PLEKHG2: variants seen among roughly 807,000 people sequenced by gnomAD.
PLEKHG2 encodes the protein pleckstrin homology domain-containing family G member 2.
In PLEKHG2, 71 loss-of-function variants were observed where a neutral mutation model predicts 104.4. The ratio of observed to expected loss-of-function variants is 0.68; its 90% CI spans 0.56 to 0.83. The LOEUF (loss-of-function observed/expected upper bound fraction) is 0.83. Ranked by LOEUF, PLEKHG2 falls within the 40% of genes least tolerant of loss-of-function variation. The pLI, the probability that PLEKHG2 is intolerant of heterozygous loss-of-function variation, is 0.00. For synonymous variants in PLEKHG2, 728 were observed against 737.0 expected (o/e 0.99, Z 0.20); for missense variants, 1,730 against 1,809.4 (o/e 0.96, Z 0.80).
chr19:39,418,607 C>A, intron 9 of PLEKHG2, 127 bp from the exon 10 acceptor site: 1 of 680,278 alleles, frequency 1.5e-6, no homozygotes, highest in South Asian at 2.0e-5. Context: ...GGAAACCCAC[C>A]ATACAGCCTT....
rs747031640 is a variant in PLEKHG2 at position 39,422,132 on chromosome 19, G to A, written c.1521G>A (p.Gly507=). ...CCTCACAGCACGCTGGCAGCGAAGG[G>A]GAACTCTACCCTCCAGAATCTCAGC... ...KPGFKHAGSE[G]ELYPPESQPP... Residue 507 remains glycine (G), a synonymous_variant, in exon 17 of 19, where the codon GGG becomes GGA. Transcript: ENST00000425673. 1.1e-5 allele frequency: 17 copies of A among 1,609,762 alleles called. No individual in the cohort carries two copies. The Admixed American group carries it at 2.0e-4, about 19-fold the overall frequency.
In PLEKHG2 at chr19:39,418,096, C is replaced by G; in HGVS notation, c.1074C>G (p.Gly358=). Residue 358 remains glycine, a synonymous_variant, in exon 9 of 19, where the codon GGC becomes GGG. Coordinates refer to ENST00000425673, the MANE Select transcript of PLEKHG2 (RefSeq NM_022835.3). ...KRRGLEYTYK[G]HIFCCNLSVS... is the part of the protein sequence containing the mutation. ...GGGGGCTGGAGTACACCTACAAAGG[C>G]CACATCTTCGTGAGTTTGGGGATGG... 6.6e-7 allele frequency: 1 copy of G among 1,506,616 alleles called. No homozygotes were observed. Among genetic ancestry groups the G allele is most frequent in the Non-Finnish European group, 8.9e-7 (1 of 1,129,390 alleles). 93.3% of individuals were successfully genotyped at this position (1,506,616 alleles called of 1,614,324 possible). A position where few individuals can be genotyped will look rare whatever the true frequency, so the allele number is the denominator to read the frequency against.
rs771899874 is a variant in PLEKHG2 at position 39,424,242 on chromosome 19, C to T, written c.3109C>T (p.Pro1037Ser). Residue 1037 changes from proline (P) to serine (S), a missense_variant, in exon 19 of 19, where the codon CCT becomes TCT. Pro to Ser is a moderately conservative substitution (Grantham distance 74). Coordinates refer to ENST00000425673, the MANE Select transcript of PLEKHG2 (RefSeq NM_022835.3). Reference protein sequence around the residue: ...CSDFTVSVTTPVPKQEGHLDS... With the variant: ...CSDFTVSVTTSVPKQEGHLDS... ...TGATTTCACAGTTTCAGTCACCACC[C>T]CTGTGCCCAAGCAAGAAGGTCACCT... 1.2e-6 allele frequency: 2 copies of T among 1,614,166 alleles called. No individual in the cohort carries two copies. The highest frequency in any genetic ancestry group is 1.6e-4 in the Middle Eastern group (1 of 6,062).
chr19:39,415,032 G>A lies in PLEKHG2; in HGVS notation c.150G>A (p.Gly50=). 6.3e-7 allele frequency: 1 copy of A among 1,598,350 alleles called. No homozygotes were observed. The highest frequency in any genetic ancestry group is 1.1e-5 in the South Asian group (1 of 88,962). ...APTMASPRGS[G]SSTSLSTVGS... ...CCATGGCCTCCCCCCGAGGTTCTGG[G>A]AGCTCCACATCCCTGAGCACAGTGG... Residue 50 remains glycine (G), a synonymous_variant, in exon 3 of 19, where the codon GGG becomes GGA. Coordinates refer to ENST00000425673, the MANE Select transcript of PLEKHG2 (RefSeq NM_022835.3). The surrounding 1 kb of genome is among the most constrained non-coding windows in gnomAD (Gnocchi z 4.6).
chr19:39,418,069 C>T lies in PLEKHG2; in HGVS notation c.1047C>T (p.Arg349=). The change falls in exon 9 of 19, where the codon CGC becomes CGT. Residue 349 remains arginine, a synonymous_variant. Transcript: ENST00000425673. ...CTCGGATGCTGCTGGTGGCCAAGCG[C>T]AGGGGGCTGGAGTACACCTACAAAG... ...LFSRMLLVAK[R]RGLEYTYKGH... The T allele has an allele frequency of 6.5e-7, 1 of 1,540,966 alleles. No homozygotes were observed.
At position 39,425,127 on chromosome 19, in the gene PLEKHG2, C is replaced by T. The variant is rs560095135; in HGVS notation, c.3994C>T (p.Arg1332Trp). The T allele has an allele frequency of 1.5e-5, 24 of 1,585,472 alleles. 1 individual carries two copies. Among genetic ancestry groups the T allele is most frequent in the South Asian group, 1.4e-4 (12 of 87,306 alleles). The change falls in exon 19 of 19, where the codon CGG (arginine) becomes TGG (tryptophan). Residue 1332 changes from arginine (R) to tryptophan (W), a missense_variant. Physicochemically the swap from Arg to Trp is moderately radical, Grantham distance 101 (BLOSUM62 -3). Coordinates refer to ENST00000425673, the MANE Select transcript of PLEKHG2 (RefSeq NM_022835.3). Reference protein sequence around the residue: ...QPQPPPPPARRLSYATTVNIH... With the variant: ...QPQPPPPPARWLSYATTVNIH... Reference sequence around the variant, plus strand: ...CCAGCCACCACCTCCCCCAGCCAGGCGGCTCAGCTATGCCACGACGGTTAA... The same window carrying T: ...CCAGCCACCACCTCCCCCAGCCAGGTGGCTCAGCTATGCCACGACGGTTAA...
intron 8 of PLEKHG2, 66 bp downstream of exon 8, chr19:39,417,758 G>T: frequency 1.3e-6 from 2 of 1,545,640 alleles, no homozygotes; most frequent in South Asian, 1.2e-5. Context: ...GGGGCGGGTG[G>T]GGGGAAATCA....
rs2078776338 is a variant in PLEKHG2, at chr19:39,425,872, TC to T, written c.*580del. 6.5e-6 allele frequency: 1 copy of T among 154,514 alleles called. No individual in the cohort carries two copies. Among genetic ancestry groups the T allele is most frequent in the African/African-American group, 2.4e-5 (1 of 41,520 alleles). The allele number at this position is 154,514 out of a possible 1,614,324, so 9.6% of individuals were successfully genotyped here. On this transcript the variant is annotated 3_prime_UTR_variant, in exon 19 of 19. Coordinates refer to ENST00000425673, the MANE Select transcript of PLEKHG2 (RefSeq NM_022835.3). ...CCCGCTCCATCTACCCATCTTCCAA[TC>T]CATCATCTCACGTATCTGCCTTGCT...
chr19:39,417,755 G>A, intron 8 of PLEKHG2, 63 bp downstream of exon 8: 2 of 1,525,374 alleles, frequency 1.3e-6, no homozygotes, highest in African/African-American at 1.4e-5. Context: ...CTTGGGGCGG[G>A]TGGGGGGAAA....
Position 39,424,061 on chromosome 19 carries a change from C to A in PLEKHG2, c.2928C>A (p.Gly976=). 6.2e-7 allele frequency: 1 copy of A among 1,613,962 alleles called. No homozygotes were observed. Among genetic ancestry groups the A allele is most frequent in the South Asian group, 1.1e-5 (1 of 91,062 alleles). Residue 976 remains glycine, a synonymous_variant, in exon 19 of 19, where the codon GGC becomes GGA. Coordinates refer to ENST00000425673, the MANE Select transcript of PLEKHG2 (RefSeq NM_022835.3). The part of the protein sequence containing the change: ...VPALTTFSDQ[G]HPEIQVPATT... ...CTCTTACAACTTTCTCTGATCAAGG[C>A]CACCCAGAAATCCAAGTTCCAGCCA...
Position 39,424,977 on chromosome 19 carries a change from G to A in PLEKHG2, c.3844G>A (p.Ala1282Thr), listed in dbSNP as rs1453994455. 2 of 1,613,852 alleles carry A rather than the reference G, an allele frequency of 1.2e-6. No homozygotes were observed. The highest frequency in any genetic ancestry group is 1.7e-6 in the Non-Finnish European group (2 of 1,179,856). The change falls in exon 19 of 19, where the codon GCA (alanine) becomes ACA (threonine). Residue 1282 changes from alanine (A) to threonine (T), a missense_variant. Coordinates refer to ENST00000425673, the MANE Select transcript of PLEKHG2 (RefSeq NM_022835.3). ...PNAAALSRYL[A>T]ASYISQSLAR... ...TGCAGCTGCCCTCTCCAGATACCTG[G>A]CAGCCTCATATATCAGCCAGAGCCT...
Position 39,418,939 on chromosome 19 carries a change from G to A in PLEKHG2, c.1199G>A (p.Arg400Lys). 1.2e-6 allele frequency: 2 copies of A among 1,613,004 alleles called. No individual in the cohort carries two copies. The highest frequency in any genetic ancestry group is 2.2e-5 in the South Asian group (2 of 90,858). Residue 400 changes from arginine (R) to lysine (K), a missense_variant, in exon 11 of 19, where the codon AGG becomes AAG. Arg to Lys is a conservative substitution (Grantham distance 26). Coordinates refer to ENST00000425673, the MANE Select transcript of PLEKHG2 (RefSeq NM_022835.3). ...TAGGCCAAGAACCAAGAAGAGAAGA[G>A]GCTGTGGATTCACTGTCTCCAGCGC... ...LLQAKNQEEK[R>K]LWIHCLQRLF...
Position 39,424,871 on chromosome 19 carries a change from T to A in PLEKHG2, c.3738T>A (p.Ser1246=). The A allele has an allele frequency of 6.2e-7, 1 of 1,614,196 alleles. No homozygotes were observed. Among genetic ancestry groups the A allele is most frequent in the Non-Finnish European group, 8.5e-7 (1 of 1,180,028 alleles). The part of the protein sequence containing the change: ...VLSKPGGSLA[S]HVARLESSDL... ...CCAAACCAGGAGGCTCCTTAGCCTC[T>A]CACGTTGCCAGGTTGGAGTCTTCAG... The change falls in exon 19 of 19, where the codon TCT becomes TCA. Residue 1246 remains serine (S), a synonymous_variant. Transcript: ENST00000425673.
At position 39,415,581 on chromosome 19, in the gene PLEKHG2, GGAGGGAGGACCCC is replaced by G. The variant is rs879809143; in HGVS notation, c.479+146_479+158del. On this transcript the variant is annotated intron_variant, in intron 4 of 18. Transcript: ENST00000425673. The surrounding 1 kb of genome is among the most constrained non-coding windows in gnomAD (Gnocchi z 4.6). ...GGGCAAGGATCAGGGATCACGACTG[GGAGGGAGGACCCC>G]GAGTGAGGGAGGGGCATAGGGGATG... 0.026 allele frequency: 23,943 copies of G among 921,468 alleles called. 688 individuals carry two copies. The highest frequency in any genetic ancestry group is 0.039 in the African/African-American group (2,318 of 59,988). 57.1% of individuals were successfully genotyped at this position (921,468 alleles called of 1,614,324 possible).
At position 39,416,886 on chromosome 19, in the gene PLEKHG2, G is replaced by T. The variant is rs780828725; in HGVS notation, c.630G>T (p.Pro210=). The T allele has an allele frequency of 6.2e-7, 1 of 1,611,718 alleles. No individual in the cohort carries two copies. Among genetic ancestry groups the T allele is most frequent in the South Asian group, 1.1e-5 (1 of 90,898 alleles). The change falls in exon 7 of 19, where the codon CCG becomes CCT. Residue 210 remains proline (P), a synonymous_variant. Coordinates refer to ENST00000425673, the MANE Select transcript of PLEKHG2 (RefSeq NM_022835.3). The surrounding 1 kb of genome is among the most constrained non-coding windows in gnomAD (Gnocchi z 4.5). ...TGCTCCGGGAGCTGTCGTTGTCTCC[G>T]CCAGCAGCCCTGTGGCTGCAGGAGC... The part of the protein sequence containing the change: ...LALLRELSLS[P]PAALWLQERQ...
At position 39,413,908 on chromosome 19, in the gene PLEKHG2, C is replaced by T; in HGVS notation, c.-22-157C>T. ...TTTCGCCAGGTTCTCTCTCCTTGTCCCCTTCTTTCTGTCACTTTGTGCCTC... is the reference window on the plus strand; with the variant it reads ...TTTCGCCAGGTTCTCTCTCCTTGTCTCCTTCTTTCTGTCACTTTGTGCCTC... On this transcript the variant is annotated intron_variant, in intron 1 of 18. Transcript: ENST00000425673. This position sits in a 1 kb window ranked among gnomAD's most constrained non-coding sequence, Gnocchi z 4.5. The T allele has an allele frequency of 1.9e-6, 1 of 538,760 alleles. No homozygotes were observed. The highest frequency in any genetic ancestry group is 3.1e-5 in the East Asian group (1 of 32,764). The allele number at this position is 538,760 out of a possible 1,614,324, so 33.4% of individuals were successfully genotyped here.
chr19:39,415,533 C>CTGG lies in PLEKHG2; in HGVS notation c.479+96_479+98dup. 7.3e-7 allele frequency: 1 copy of CTGG among 1,367,130 alleles called. No homozygotes were observed. The highest frequency in any genetic ancestry group is 1.0e-6 in the Non-Finnish European group (1 of 988,844). 84.7% of individuals were successfully genotyped at this position (1,367,130 alleles called of 1,614,324 possible). Reference sequence around the variant, plus strand: ...GGAGCTTCGTAGTGTCCTGTCCAGGCTGGTACGTGGGGTTGTGACATTGGG... The same window carrying CTGG: ...GGAGCTTCGTAGTGTCCTGTCCAGGCTGGTGGTACGTGGGGTTGTGACATTGGG... On this transcript the variant is annotated intron_variant, in intron 4 of 18. Transcript: ENST00000425673. This position sits in a 1 kb window ranked among gnomAD's most constrained non-coding sequence, Gnocchi z 4.6.
chr19:39,413,762 C>G lies in PLEKHG2; in HGVS notation c.-22-303C>G, dbSNP rs896237339. ...TTTCCCAGCCCTGCCCCTCGCCCTC[C>G]GCTCCAGCTGGAGCCCAAACGTTCC... On this transcript the variant is annotated intron_variant, in intron 1 of 18. Coordinates refer to ENST00000425673, the MANE Select transcript of PLEKHG2 (RefSeq NM_022835.3). This position sits in a 1 kb window ranked among gnomAD's most constrained non-coding sequence, Gnocchi z 4.5. The G allele has an allele frequency of 5.5e-6, 1 of 183,438 alleles. No homozygotes were observed. Among genetic ancestry groups the G allele is most frequent in the Non-Finnish European group, 1.2e-5 (1 of 86,048 alleles). The allele number at this position is 183,438 out of a possible 1,614,324, so 11.4% of individuals were successfully genotyped here.
chr19:39,418,540 C>T (rs879517662), intron 9 of PLEKHG2, among the ~76,000 whole-genome samples, 194 bp from the exon 10 acceptor site: 6 of 151,676 alleles, frequency 4.0e-5, no homozygotes, highest in Admixed American at 3.3e-4. Flanking sequence ...GATCATGCCA[C>T]TGCACTCCAG....
Sources: gnomAD v4.1 joint callset for allele counts (sites outside exome capture counted in the v4.1 genomes callset) on GRCh38, gnomAD v4.1.1 for gene constraint, Gnocchi (gnomAD v3.1) non-coding constraint, MANE v1.5 for transcripts, NCBI Gene and HGNC (gene_info 2026-07-23, HGNC 2026-07-21) for gene names.